YY1: variants seen among roughly 807,000 people sequenced by gnomAD.
The protein encoded by YY1 is YY1 transcription factor, also known as transcriptional repressor protein YY1.
Under a neutral mutation model 35.6 loss-of-function variants are expected in YY1, and 2 were observed. The observed-to-expected ratio is 0.06, with a 90% CI of 0.02 to 0.18. The LOEUF is 0.18. Ranked by LOEUF, YY1 falls within the 10% of genes least tolerant of loss-of-function variation. The pLI is 1.00. For synonymous variants in YY1, 268 were observed against 238.9 expected (o/e 1.12, Z -1.12); for missense variants, 322 against 573.4 (o/e 0.56, Z 4.48).
intron 1 of YY1, among the ~76,000 whole-genome samples, chr14:100,245,750 A>T (rs940561142): frequency 6.6e-6 from 1 of 151,840 alleles, no homozygotes; most frequent in African/African-American, 2.4e-5. Context: ...GGGATTACAG[A>T]CGTGTGCCAC....
chr14:100,257,231 A>G (rs2139583691), intron 1 of YY1, among the ~76,000 whole-genome samples: 1 of 152,272 alleles, frequency 6.6e-6, no homozygotes, highest in East Asian at 1.9e-4. Flanking sequence ...GTATTTCCTC[A>G]TTTGACTTCC....
At chr14:100,261,800 G>C (rs1226291342) in intron 1 of YY1, among the ~76,000 whole-genome samples, 2 of 152,152 alleles carry the variant, frequency 1.3e-5, no homozygotes, top group Non-Finnish European at 1.5e-5. Context: ...AATCAGATTT[G>C]AATCAGCACC....
intron 2 of YY1, among the ~76,000 whole-genome samples, chr14:100,266,536 G>A (rs906241712): frequency 6.6e-6 from 1 of 152,104 alleles, no homozygotes; most frequent in African/African-American, 2.4e-5. Context: ...CTTCTGAGCA[G>A]AAAATCCAGG....
Position 100,239,492 on chromosome 14 carries a change from T to C in YY1, c.248T>C (p.Met83Thr). The change falls in exon 1 of 5, where the codon ATG becomes ACG. Residue 83 changes from methionine (M) to threonine (T), a missense_variant. Around this residue, in one of 4 missense-constraint regions of YY1, gnomAD observed 137 missense variants for 167.0 expected, o/e 0.82. Transcript: ENST00000262238. ...CATCACCACCACCACCACCCGCCCA[T>C]GATCGCTCTGCAGCCGCTGGTCACC... The part of the protein sequence containing the change: ...HHHHHHHHPP[M>T]IALQPLVTDD... 6.2e-7 allele frequency: 1 copy of C among 1,607,584 alleles called. No homozygotes were observed. Among genetic ancestry groups the C allele is most frequent in the Non-Finnish European group, 8.5e-7 (1 of 1,178,492 alleles).
intron 1 of YY1, among the ~76,000 whole-genome samples, chr14:100,253,957 G>A (rs1189128030): frequency 2.5e-4 from 38 of 151,958 alleles, no homozygotes; most frequent in Admixed American, 2.4e-3. Flanking sequence ...TGCCTTCCCA[G>A]TAGCTGAGAT....
At chr14:100,262,156 G>A (rs540933343) in intron 1 of YY1, 148 bp from the exon 2 acceptor site, 71 of 794,864 alleles carry the variant, frequency 8.9e-5, no homozygotes, top group Non-Finnish European at 1.3e-4. Flanking sequence ...GAGTGAGACC[G>A]TTCTCCAAAA....
chr14:100,262,269 TACTCA>T, intron 1 of YY1, 30 bp from the exon 2 acceptor site: 1 of 1,611,408 alleles, frequency 6.2e-7, no homozygotes. Context: ...AAAATCTATT[TACTCA>T]GCTAAAGATA....
At chr14:100,243,804 CAA>C (rs60629986) in intron 1 of YY1, among the ~76,000 whole-genome samples, 12 of 121,980 alleles carry the variant, frequency 9.8e-5, no homozygotes, top group East Asian at 2.4e-4. Context: ...GAGACACTGT[CAA>C]AAAAAAAAAA....
At chr14:100,242,378 GT>G (rs57406488) in intron 1 of YY1, among the ~76,000 whole-genome samples, 29,122 of 109,100 alleles carry the variant, frequency 0.27, 5,614 homozygotes, top group South Asian at 0.55. Flanking sequence ...TTTGTTTTTT[GT>G]TTTTTTTTTT....
Position 100,276,023 on chromosome 14 carries a change from C to T in YY1, c.904-467C>T, listed in dbSNP as rs987388465. ...CAAAGAGAGAAGAGGGAACAGTAGG[C>T]GATGGAGAATGACAGTCCATTGTTG... is the stretch of plus-strand genomic sequence containing the variant. On this transcript the variant is annotated intron_variant, in intron 3 of 4. Transcript: ENST00000262238. The surrounding 1 kb of genome is among the most constrained non-coding windows in gnomAD (Gnocchi z 4.1). The T allele has an allele frequency of 1.6e-5, 3 of 186,452 alleles. No individual in the cohort carries two copies. Among genetic ancestry groups the T allele is most frequent in the African/African-American group, 4.8e-5 (2 of 41,960 alleles). 11.5% of individuals were successfully genotyped at this position (186,452 alleles called of 1,614,324 possible).
Position 100,277,731 on chromosome 14 carries a change from C to A in YY1, c.*131C>A. 8.2e-6 allele frequency: 8 copies of A among 974,132 alleles called. No individual in the cohort carries two copies. The highest frequency in any genetic ancestry group is 1.6e-5 in the South Asian group (1 of 64,298). The allele number at this position is 974,132 out of a possible 1,614,324, so 60.3% of individuals were successfully genotyped here. On this transcript the variant is annotated 3_prime_UTR_variant, in exon 5 of 5. Transcript: ENST00000262238. This position sits in a 1 kb window ranked among gnomAD's most constrained non-coding sequence, Gnocchi z 5.6. ...AAATGAATCCTACACACCTAAGGGA[C>A]ATGTTTTGATAAAGTAGTAAAAATT...
intron 1 of YY1, among the ~76,000 whole-genome samples, chr14:100,247,695 A>C (rs1890854143): frequency 6.6e-6 from 1 of 152,162 alleles, no homozygotes; most frequent in Admixed American, 6.6e-5. Context: ...TGTGTGATGG[A>C]CTTTCATAAC....
chr14:100,245,743 A>T (rs1036964511), intron 1 of YY1, among the ~76,000 whole-genome samples: 1 of 151,988 alleles, frequency 6.6e-6, no homozygotes, highest in Non-Finnish European at 1.5e-5. Context: ...AGTAACTGGG[A>T]TTACAGACGT....
rs550393536 is a variant in YY1, at chr14:100,246,631, T to TA, written c.679+6709dup. ...ACCTGTAAGACCAGAAAACCATTGA[T>TA]ACAAAATCAGTAAATGCAAGGAAGT... On this transcript the variant is annotated intron_variant, in intron 1 of 4. Coordinates refer to ENST00000262238, the MANE Select transcript of YY1 (RefSeq NM_003403.5). Among the ~76,000 whole-genome samples the TA allele has an allele frequency of 1.8e-4, 28 of 152,344 alleles. No homozygotes were observed. The East Asian group carries it at 5.2e-3, about 28-fold the overall frequency.
intron 1 of YY1, among the ~76,000 whole-genome samples, chr14:100,241,657 C>T (rs1171977455): frequency 6.6e-6 from 1 of 152,154 alleles, no homozygotes; most frequent in Non-Finnish European, 1.5e-5. Flanking sequence ...CAAGAGATTA[C>T]ATACTGATCA....
rs539317312 is a variant in YY1 at position 100,271,377 on chromosome 14, T to C, written c.843-3321T>C. ...AAGGTGGCGCAGTGGCACCAAACTT[T>C]TGTTCTACCTGATTTTGTGAACTCA... On this transcript the variant is annotated intron_variant, in intron 2 of 4. Transcript: ENST00000262238. Among the ~76,000 whole-genome samples, 9 of 152,330 alleles carry C rather than the reference T, an allele frequency of 5.9e-5. No individual in the cohort carries two copies. In the South Asian group the frequency reaches 1.4e-3, roughly 25 times the overall value.
chr14:100,253,176 A>T (rs1256939382), intron 1 of YY1, among the ~76,000 whole-genome samples: 9 of 152,232 alleles, frequency 5.9e-5, no homozygotes, highest in Non-Finnish European at 8.8e-5. Context: ...AATGACCTAT[A>T]GTGGGTCCAG....
chr14:100,261,002 CCCAGG>C (rs1314333512), intron 1 of YY1, among the ~76,000 whole-genome samples: 2 of 149,832 alleles, frequency 1.3e-5, no homozygotes, highest in Non-Finnish European at 3.0e-5. Context: ...CCCTTTATTG[CCCAGG>C]CTGGTCTAGG....
At chr14:100,263,798 G>C (rs1891116882) in intron 2 of YY1, 1 of 151,872 alleles carries the variant, frequency 6.6e-6, no homozygotes, top group Admixed American at 6.5e-5. Flanking sequence ...TGGCCCTGCC[G>C]AAAACAAGGT....
Sources: allele counts gnomAD v4.1 joint callset (sites outside exome capture counted in the v4.1 genomes callset), GRCh38; gene constraint gnomAD v4.1.1; regional missense constraint gnomAD v4.1.1; non-coding constraint Gnocchi (gnomAD v3.1); transcripts MANE v1.5; gene names NCBI Gene and HGNC (gene_info 2026-07-23, HGNC 2026-07-21).